Variants in VWA8 observed in about 807,000 individuals in gnomAD.
The protein encoded by VWA8 is von Willebrand factor A domain containing 8.
A neutral mutation model predicts 241.5 loss-of-function variants in VWA8; 221 were observed. The observed-to-expected ratio is 0.91, with a 90% confidence interval of 0.82 to 1.02. VWA8 has a LOEUF of 1.02. VWA8 is among the 50% of genes least tolerant of loss of function. VWA8 has a pLI of 0.00. For synonymous variants in VWA8, 852 were observed against 827.1 expected (o/e 1.03, Z -0.52); for missense variants, 2,322 against 2,328.7 (o/e 1.00, Z 0.06).
chr13:41,729,760 T>C (rs1220382449), intron 22 of VWA8, 83 bp from the exon 23 acceptor site: 2 of 1,420,300 alleles, frequency 1.4e-6, no homozygotes, highest in South Asian at 1.3e-5. Flanking sequence ...TTTGGACTTA[T>C]AACAGCTGGC....
intron 37 of VWA8, among the ~76,000 whole-genome samples, chr13:41,666,667 C>T (rs1213099450): frequency 2.0e-5 from 3 of 152,068 alleles, no homozygotes; most frequent in African/African-American, 7.2e-5. Context: ...TTTACTAGCA[C>T]GCCACCGGGA....
At chr13:41,586,560 AG>A (rs5803095) in intron 42 of VWA8, among the ~76,000 whole-genome samples, 38,648 of 149,604 alleles carry the variant, frequency 0.26, 5,652 homozygotes, top group African/African-American at 0.41. Context: ...TGGGAAATTC[AG>A]GGGGGGCAGT....
chr13:41,886,597 T>G (rs993649898), intron 7 of VWA8, among the ~76,000 whole-genome samples, 184 bp downstream of exon 7: 6 of 152,208 alleles, frequency 3.9e-5, no homozygotes, highest in Non-Finnish European at 8.8e-5. Context: ...ATCTTTCAAC[T>G]CTATTAGATC....
intron 2 of VWA8, among the ~76,000 whole-genome samples, chr13:41,932,100 C>A (rs574475064): frequency 6.6e-6 from 1 of 152,076 alleles, no homozygotes; most frequent in East Asian, 1.9e-4. Flanking sequence ...TCACCAACAT[C>A]ATGAATGACA....
chr13:41,774,290 C>A (rs1868485967), intron 20 of VWA8, among the ~76,000 whole-genome samples: 1 of 152,172 alleles, frequency 6.6e-6, no homozygotes, highest in Non-Finnish European at 1.5e-5. Context: ...CAAGCGCATG[C>A]CACTTCACCT....
intron 21 of VWA8, among the ~76,000 whole-genome samples, chr13:41,758,426 ATATACG>A (rs2045713787): frequency 8.6e-6 from 1 of 115,854 alleles, no homozygotes; most frequent in Admixed American, 9.2e-5. Context: ...ATATATATAT[ATATACG>A]CTAGTATATA....
At chr13:41,907,561 T>A in intron 4 of VWA8, 25 bp downstream of exon 4, 1 of 1,599,064 alleles carries the variant, frequency 6.3e-7, no homozygotes, top group Non-Finnish European at 8.6e-7. Flanking sequence ...TACACAGTCA[T>A]GGGCTAGAGT....
At chr13:41,656,928 C>T (rs1385468924) in intron 37 of VWA8, among the ~76,000 whole-genome samples, 1 of 152,130 alleles carries the variant, frequency 6.6e-6, no homozygotes, top group African/African-American at 2.4e-5. Context: ...CCCTCCCATC[C>T]TTATTTCCTA....
At chr13:41,897,311 C>T (rs750977749) in intron 4 of VWA8, among the ~76,000 whole-genome samples, 14 of 152,080 alleles carry the variant, frequency 9.2e-5, no homozygotes, top group Non-Finnish European at 1.8e-4. Context: ...AAATGCCCAA[C>T]ATCACTAATC....
At chr13:41,856,330 T>C (rs542888427) in intron 12 of VWA8, among the ~76,000 whole-genome samples, 1 of 152,166 alleles carries the variant, frequency 6.6e-6, no homozygotes, top group East Asian at 1.9e-4. Flanking sequence ...AGCGAGACTT[T>C]GATCAAAACA....
chr13:41,679,067 T>A (rs768971373), intron 35 of VWA8, among the ~76,000 whole-genome samples: 1 of 152,206 alleles, frequency 6.6e-6, no homozygotes, highest in Admixed American at 6.5e-5. Context: ...TCCTCATCCA[T>A]CCATTTTAAA....
intron 43 of VWA8, among the ~76,000 whole-genome samples, chr13:41,572,944 C>G (rs1171468750): frequency 6.9e-6 from 1 of 145,012 alleles, no homozygotes; most frequent in Non-Finnish European, 1.5e-5. Context: ...CCTGTCTCTA[C>G]TAAAAATACA....
At chr13:41,766,858 T>C (rs2045782284) in intron 20 of VWA8, among the ~76,000 whole-genome samples, 1 of 152,206 alleles carries the variant, frequency 6.6e-6, no homozygotes, top group Non-Finnish European at 1.5e-5. Context: ...TATTCGGGTC[T>C]CTTAATGTCA....
At chr13:41,631,042 CAG>C (rs1424019864) in intron 37 of VWA8, among the ~76,000 whole-genome samples, 1 of 152,024 alleles carries the variant, frequency 6.6e-6, no homozygotes, top group Non-Finnish European at 1.5e-5. Context: ...TTTTTTGAGA[CAG>C]AGTCTCACTC....
intron 34 of VWA8, among the ~76,000 whole-genome samples, chr13:41,688,118 C>A (rs1046376500): frequency 5.3e-5 from 8 of 151,936 alleles, no homozygotes; most frequent in Non-Finnish European, 1.2e-4. Context: ...CACTGTATTT[C>A]AATAACGTTT....
At chr13:41,832,777 G>A (rs1053523661) in intron 13 of VWA8, among the ~76,000 whole-genome samples, 1 of 152,076 alleles carries the variant, frequency 6.6e-6, no homozygotes, top group African/African-American at 2.4e-5. Flanking sequence ...TTAAATTCTA[G>A]AGAAGTTTTA....
chr13:41,865,385 C>A, intron 12 of VWA8: 1 of 315,834 alleles, frequency 3.2e-6, no homozygotes, highest in South Asian at 2.6e-5. Context: ...TATAGTCATT[C>A]TACTTATTTA....
At chr13:41,944,391 G>A (rs1246701977) in intron 2 of VWA8, among the ~76,000 whole-genome samples, 2 of 151,978 alleles carry the variant, frequency 1.3e-5, no homozygotes, top group African/African-American at 4.8e-5. Flanking sequence ...TATTGAGACA[G>A]GGTCTCACTC....
chr13:41,585,805 A>C (rs1388252944), intron 42 of VWA8, among the ~76,000 whole-genome samples: 1 of 149,702 alleles, frequency 6.7e-6, no homozygotes, highest in East Asian at 2.0e-4. Context: ...CAGAGGTTGC[A>C]GTGAGCCGAG....
Sources: gnomAD v4.1 joint callset for allele counts (sites outside exome capture counted in the v4.1 genomes callset) on GRCh38, gnomAD v4.1.1 for gene constraint, MANE v1.5 for transcripts, NCBI Gene and HGNC (gene_info 2026-07-23, HGNC 2026-07-21) for gene names.